ERBB4: variants seen among roughly 807,000 people sequenced by gnomAD.
ERBB4 encodes the protein erb-b2 receptor tyrosine kinase 4, also known as receptor tyrosine-protein kinase erbB-4.
In ERBB4, 42 loss-of-function variants were observed where a neutral mutation model predicts 158.0. The ratio of observed to expected loss-of-function variants is 0.27; its 90% CI spans 0.21 to 0.34. The LOEUF (loss-of-function observed/expected upper bound fraction) is 0.34, where lower values mean the gene tolerates loss of function less well. Ranked by LOEUF, ERBB4 falls within the 10% of genes least tolerant of loss-of-function variation. The probability of loss-of-function intolerance (pLI) is 1.00; values close to 1 mark genes in which losing one functional copy is unlikely to be tolerated. For synonymous variants in ERBB4, 583 were observed against 558.7 expected (o/e 1.04, Z -0.61); for missense variants, 1,333 against 1,624.1 (o/e 0.82, Z 3.08).
At chr2:211,879,098 T>C (rs990112841) in intron 3 of ERBB4, among the ~76,000 whole-genome samples, 2 of 152,142 alleles carry the variant, frequency 1.3e-5, no homozygotes, top group African/African-American at 4.8e-5. Context: ...AGCTATCTGG[T>C]TGAAGATGCT....
At chr2:212,320,486 G>C (rs115035869) in intron 1 of ERBB4, among the ~76,000 whole-genome samples, 6,056 of 138,774 alleles carry the variant, frequency 0.044, 484 homozygotes, top group African/African-American at 0.14. Context: ...TCACTAACAG[G>C]ACTAAAGGAA....
intron 1 of ERBB4, among the ~76,000 whole-genome samples, chr2:212,190,451 G>A (rs551213735): frequency 1.3e-5 from 2 of 151,916 alleles, no homozygotes; most frequent in African/African-American, 4.8e-5. Context: ...GCAGGAGAAT[G>A]GCGTGAACCC....
chr2:211,581,051 G>T (rs2068088909), intron 19 of ERBB4, among the ~76,000 whole-genome samples: 1 of 150,824 alleles, frequency 6.6e-6, no homozygotes, highest in Non-Finnish European at 1.5e-5. Flanking sequence ...TCACTCATAT[G>T]TGGAACCTAA....
At chr2:211,877,758 T>C (rs543458928) in intron 3 of ERBB4, among the ~76,000 whole-genome samples, 3 of 152,328 alleles carry the variant, frequency 2.0e-5, no homozygotes, top group African/African-American at 7.2e-5. Flanking sequence ...TAAGAAATAA[T>C]AGATAATATT....
intron 12 of ERBB4, 41 bp downstream of exon 12, chr2:211,701,926 T>A (rs2073269562): frequency 2.7e-6 from 4 of 1,477,838 alleles, no homozygotes; most frequent in African/African-American, 1.4e-5. Context: ...TGGGAAAAAA[T>A]TTAAGTTTCT....
chr2:212,008,458 C>G (rs1223237061), intron 2 of ERBB4, among the ~76,000 whole-genome samples: 2 of 152,036 alleles, frequency 1.3e-5, no homozygotes, highest in Non-Finnish European at 2.9e-5. Flanking sequence ...GTTTCTCACC[C>G]TTGATGAACT....
intron 1 of ERBB4, among the ~76,000 whole-genome samples, chr2:212,326,865 G>A (rs1212452356): frequency 1.3e-5 from 2 of 150,986 alleles, no homozygotes; most frequent in Non-Finnish European, 3.0e-5. Context: ...CTGTCTGTAA[G>A]GATAGAGAAT....
chr2:211,616,420 A>G (rs189128730), intron 19 of ERBB4, among the ~76,000 whole-genome samples: 13 of 152,256 alleles, frequency 8.5e-5, no homozygotes, highest in African/African-American at 3.1e-4. Flanking sequence ...AAGAACCCAA[A>G]CTAACACAAG....
At chr2:212,104,897 G>C (rs2079181265) in intron 2 of ERBB4, among the ~76,000 whole-genome samples, 1 of 152,044 alleles carries the variant, frequency 6.6e-6, no homozygotes, top group Non-Finnish European at 1.5e-5. Context: ...CATTGCATTT[G>C]ACCCCTTGTG....
At chr2:211,864,884 G>T (rs578227189) in intron 3 of ERBB4, among the ~76,000 whole-genome samples, 1 of 152,220 alleles carries the variant, frequency 6.6e-6, no homozygotes, top group Admixed American at 6.5e-5. Flanking sequence ...GGTGGTGGGT[G>T]CCTGTAATCC....
At chr2:212,518,304 A>G (rs114885012) in intron 1 of ERBB4, among the ~76,000 whole-genome samples, 68 of 152,170 alleles carry the variant, frequency 4.5e-4, no homozygotes, top group African/African-American at 1.6e-3. Flanking sequence ...TCTGATCTCA[A>G]TCATGAGAGT....
intron 19 of ERBB4, 49 bp from the exon 20 acceptor site, chr2:211,562,137 A>G: frequency 4.6e-6 from 7 of 1,528,710 alleles, no homozygotes; most frequent in Non-Finnish European, 6.3e-6. Flanking sequence ...ATTTTCTTAG[A>G]TTTAGAGTTA....
At chr2:211,535,898 A>G (rs1193712189) in intron 20 of ERBB4, 2 of 152,064 alleles carry the variant, frequency 1.3e-5, no homozygotes, top group Non-Finnish European at 1.5e-5. Flanking sequence ...AGTAATTATG[A>G]TATTGTGTGC....
At chr2:212,411,833 C>T (rs975269320) in intron 1 of ERBB4, among the ~76,000 whole-genome samples, 2 of 152,054 alleles carry the variant, frequency 1.3e-5, no homozygotes, top group African/African-American at 4.8e-5. Flanking sequence ...CTATACTATA[C>T]TATACTATGC....
rs2070062833 is a variant in ERBB4 at position 211,630,428 on chromosome 2, C to G, written c.2079+34G>C. On this transcript the variant is annotated intron_variant, in intron 17 of 27. Coordinates refer to ENST00000342788, the MANE Select transcript of ERBB4 (RefSeq NM_005235.3). Reference sequence around the variant, plus strand: ...AACCTTCTAAACCTGATGAAAATCCCCAAACACATGAAGAGGAGAAAGAAA... The same window carrying G: ...AACCTTCTAAACCTGATGAAAATCCGCAAACACATGAAGAGGAGAAAGAAA... The G allele has an allele frequency of 1.9e-6, 3 of 1,612,040 alleles. No individual in the cohort carries two copies. In the South Asian group the frequency reaches 3.3e-5, roughly 18 times the overall value.
chr2:211,380,720 G>A lies in ERBB4; in HGVS notation c.*2895C>T, dbSNP rs1416017657. On this transcript the variant is annotated 3_prime_UTR_variant, in exon 28 of 28. Coordinates refer to ENST00000342788, the MANE Select transcript of ERBB4 (RefSeq NM_005235.3). ...TCATTCAAAAGAATTATAAAGTGGT[G>A]CTATTATAAAGCATTTGGGTCATTT... 4.3e-6 allele frequency: 1 copy of A among 231,838 alleles called. No individual in the cohort carries two copies. Among genetic ancestry groups the A allele is most frequent in the East Asian group, 6.1e-5 (1 of 16,376 alleles). 14.4% of individuals were successfully genotyped at this position (231,838 alleles called of 1,614,324 possible).
chr2:212,284,117 T>A (rs2085865433), intron 1 of ERBB4, among the ~76,000 whole-genome samples: 1 of 152,044 alleles, frequency 6.6e-6, no homozygotes, highest in South Asian at 2.1e-4. Flanking sequence ...ACACAATAAT[T>A]TATCAAAGTT....
intron 20 of ERBB4, among the ~76,000 whole-genome samples, chr2:211,437,975 G>C (rs921125290): frequency 1.8e-4 from 28 of 152,134 alleles, no homozygotes; most frequent in African/African-American, 6.8e-4. Flanking sequence ...TGAAGTAGCC[G>C]ATTTTATCCA....
chr2:212,159,308 C>T (rs2081136039), intron 1 of ERBB4, among the ~76,000 whole-genome samples: 1 of 150,372 alleles, frequency 6.7e-6, no homozygotes, highest in Admixed American at 6.7e-5. Context: ...TAATACAGAC[C>T]AGAATCATAT....
Sources: gnomAD v4.1 joint callset for allele counts (sites outside exome capture counted in the v4.1 genomes callset) on GRCh38, gnomAD v4.1.1 for gene constraint, MANE v1.5 for transcripts, NCBI Gene and HGNC (gene_info 2026-07-23, HGNC 2026-07-21) for gene names.